Variants in KAT6B observed in about 807,000 individuals in gnomAD.
KAT6B encodes the protein histone acetyltransferase KAT6B.
A neutral mutation model predicts 187.5 loss-of-function variants in KAT6B; 10 were observed. The ratio of observed to expected loss-of-function variants is 0.05; its 90% CI spans 0.03 to 0.09. The LOEUF is 0.09. Ranked by LOEUF, KAT6B falls within the 10% of genes least tolerant of loss-of-function variation. KAT6B has a pLI of 1.00. For missense variants in KAT6B, 1,952 were observed against 2,558.9 expected (o/e 0.76, Z 5.12); for synonymous variants, 861 against 926.8 (o/e 0.93, Z 1.29).
chr10:75,022,321 T>C, intron 16 of KAT6B, 90 bp downstream of exon 16: 1 of 1,430,190 alleles, frequency 7.0e-7, no homozygotes, highest in Non-Finnish European at 9.9e-7. Flanking sequence ...TTTGTTTCAC[T>C]CTCTGTTCTT....
chr10:74,868,889 A>G (rs1843722943), intron 3 of KAT6B, among the ~76,000 whole-genome samples: 1 of 152,182 alleles, frequency 6.6e-6, no homozygotes, highest in African/African-American at 2.4e-5. Flanking sequence ...CAGATAGTTA[A>G]TGGCTGGGCC....
chr10:74,918,800 A>G (rs904800980), intron 3 of KAT6B, among the ~76,000 whole-genome samples: 1 of 152,154 alleles, frequency 6.6e-6, no homozygotes, highest in Non-Finnish European at 1.5e-5. Context: ...ATTTTTGTTT[A>G]TTTCATATGC....
intron 3 of KAT6B, among the ~76,000 whole-genome samples, chr10:74,855,198 T>C (rs1842738454): frequency 6.6e-6 from 1 of 152,156 alleles, no homozygotes; most frequent in South Asian, 2.1e-4. Context: ...TGAGCTGCCA[T>C]ATGGAGAGCA....
intron 3 of KAT6B, among the ~76,000 whole-genome samples, chr10:74,892,243 C>G (rs527799995): frequency 3.9e-5 from 6 of 152,294 alleles, no homozygotes; most frequent in Non-Finnish European, 8.8e-5. Context: ...TGGTGTGCAC[C>G]TGTAGTCCCA....
At chr10:74,937,852 G>C (rs186868488) in intron 3 of KAT6B, among the ~76,000 whole-genome samples, 107 of 152,292 alleles carry the variant, frequency 7.0e-4, no homozygotes, top group African/African-American at 2.5e-3. Context: ...ACTAACTACT[G>C]CAATTGCTGT....
intron 13 of KAT6B, chr10:75,003,280 T>C (rs781196390): frequency 6.6e-6 from 1 of 152,234 alleles, no homozygotes; most frequent in Non-Finnish European, 1.5e-5. Context: ...ATCAGATAAT[T>C]CATTTCTTGA....
intron 1 of KAT6B, among the ~76,000 whole-genome samples, chr10:74,838,099 G>C (rs540940188): frequency 6.6e-6 from 1 of 152,116 alleles, no homozygotes; most frequent in Non-Finnish European, 1.5e-5. Context: ...TGCTTTTCAA[G>C]TAAAAATAAT....
At chr10:74,928,568 A>G (rs192223350) in intron 3 of KAT6B, among the ~76,000 whole-genome samples, 6 of 152,322 alleles carry the variant, frequency 3.9e-5, no homozygotes, top group East Asian at 1.9e-4. Flanking sequence ...AGGAAGAACA[A>G]TTTGAATCAC....
chr10:74,855,874 G>A (rs1842785290), intron 3 of KAT6B, among the ~76,000 whole-genome samples: 2 of 151,918 alleles, frequency 1.3e-5, no homozygotes, highest in South Asian at 4.2e-4. Context: ...TTTATACATG[G>A]GTGTGCGTAT....
intron 13 of KAT6B, among the ~76,000 whole-genome samples, chr10:75,013,541 C>A (rs1199062210): frequency 6.6e-6 from 1 of 152,146 alleles, no homozygotes; most frequent in African/African-American, 2.4e-5. Flanking sequence ...TTCTATAGAG[C>A]AGTCTGTCTC....
At chr10:74,963,988 CG>C (rs1440844716) in intron 4 of KAT6B, among the ~76,000 whole-genome samples, 4 of 151,876 alleles carry the variant, frequency 2.6e-5, no homozygotes, top group Non-Finnish European at 5.9e-5. Context: ...AAAAATTAGC[CG>C]GGCATGGTAG....
At chr10:75,006,749 T>A (rs1301449396) in intron 13 of KAT6B, among the ~76,000 whole-genome samples, 1 of 151,924 alleles carries the variant, frequency 6.6e-6, no homozygotes, top group African/African-American at 2.4e-5. Flanking sequence ...GCCAGAAACA[T>A]CTTTTTATAA....
At chr10:74,838,799 C>T (rs1841502895) in intron 2 of KAT6B, 47 bp downstream of exon 2, 1 of 152,120 alleles carries the variant, frequency 6.6e-6, no homozygotes, top group Non-Finnish European at 1.5e-5. Flanking sequence ...AAATGACAAT[C>T]TTATTGAAAT....
At chr10:74,907,556 C>T (rs572354666) in intron 3 of KAT6B, among the ~76,000 whole-genome samples, 1 of 151,838 alleles carries the variant, frequency 6.6e-6, no homozygotes, top group East Asian at 1.9e-4. Flanking sequence ...GGCAGAGTTT[C>T]ACTGTTGTTG....
At chr10:74,853,109 C>CTTTTTTTTTTT (rs1233676750) in intron 3 of KAT6B, among the ~76,000 whole-genome samples, 1 of 113,744 alleles carries the variant, frequency 8.8e-6, no homozygotes, top group Non-Finnish European at 1.7e-5. Context: ...TTTCTTTCAT[C>CTTTTTTTTTTT]TTTTTTTTTT....
chr10:74,889,873 C>T (rs757483286), intron 3 of KAT6B, among the ~76,000 whole-genome samples: 5 of 152,086 alleles, frequency 3.3e-5, no homozygotes, highest in Non-Finnish European at 5.9e-5. Flanking sequence ...AAGATGAACT[C>T]ACAGTTTAGT....
At position 74,843,204 on chromosome 10, in the gene KAT6B, A is replaced by G. The variant is rs766588800; in HGVS notation, c.347A>G (p.Glu116Gly). ...AATAAACTTTTAAGGAGAGCAATTG[A>G]AGGACTTGAGGAGCCGAATGGCTCC... The part of the protein sequence containing the change: ...DWNKLLRRAI[E>G]GLEEPNGSSL... The change falls in exon 3 of 18, where the codon GAA becomes GGA. Residue 116 changes from glutamate (E) to glycine (G), a missense_variant. This residue lies in a region of KAT6B where 218 missense variants were observed against 282.6 expected (regional missense o/e 0.77). Transcript: ENST00000287239. 3.1e-6 allele frequency: 5 copies of G among 1,614,242 alleles called. No homozygotes were observed. The South Asian group carries it at 5.5e-5, about 18-fold the overall frequency.
intron 13 of KAT6B, among the ~76,000 whole-genome samples, chr10:75,006,945 G>C (rs757540159): frequency 6.6e-6 from 1 of 151,780 alleles, no homozygotes; most frequent in South Asian, 2.1e-4. Context: ...GCATGCACCT[G>C]TAGTCCCAGC....
At chr10:74,891,405 C>T (rs916398551) in intron 3 of KAT6B, among the ~76,000 whole-genome samples, 4 of 152,170 alleles carry the variant, frequency 2.6e-5, no homozygotes, top group Admixed American at 6.6e-5. Flanking sequence ...TTTTCTGCCA[C>T]GATGTAACTT....
Sources: gnomAD v4.1 joint callset for allele counts (sites outside exome capture counted in the v4.1 genomes callset) on GRCh38, gnomAD v4.1.1 for gene constraint, gnomAD v4.1.1 regional missense constraint, MANE v1.5 for transcripts, NCBI Gene and HGNC (gene_info 2026-07-23, HGNC 2026-07-21) for gene names.